CFAP91: variants seen among roughly 807,000 people sequenced by gnomAD.
The protein encoded by CFAP91 is cilia and flagella associated protein 91.
In CFAP91, 85 loss-of-function variants were observed where a neutral mutation model predicts 95.9. That is an observed-to-expected ratio of 0.89 (90% CI 0.74 to 1.06). The LOEUF (loss-of-function observed/expected upper bound fraction) is 1.06, where lower values mean the gene tolerates loss of function less well. Ranked by LOEUF, CFAP91 falls within the 50% of genes least tolerant of loss-of-function variation. CFAP91 has a pLI of 0.00. For synonymous variants in CFAP91, 335 were observed against 327.5 expected (o/e 1.02, Z -0.25); for missense variants, 962 against 943.4 (o/e 1.02, Z -0.26).
intron 17 of CFAP91, among the ~76,000 whole-genome samples, chr3:119,760,373 C>G (rs2054517169): frequency 6.6e-6 from 1 of 151,656 alleles, no homozygotes; most frequent in Admixed American, 6.6e-5. Flanking sequence ...CATTGGAGCC[C>G]CTAAATATAT....
Position 119,709,887 on chromosome 3 carries a change from C to T in CFAP91, c.492C>T (p.Ala164=), listed in dbSNP as rs114121988. 31,442 of 1,606,912 alleles carry T rather than the reference C, an allele frequency of 0.02. 415 individuals are homozygous for T. The highest frequency in any genetic ancestry group is 0.043 in the Middle Eastern group (259 of 6,054). ...AGATGCCATTCAATGTTGTTTATGC[C>T]GTATCCAAGTAAGTAACCATTATTT... ...FQQMPFNVVY[A]VSKAEPYTFP... The change falls in exon 5 of 18, where the codon GCC becomes GCT. Residue 164 remains alanine, a synonymous_variant. Transcript: ENST00000273390.
At chr3:119,743,103 G>T (rs1039139567) in intron 13 of CFAP91, among the ~76,000 whole-genome samples, 3 of 151,338 alleles carry the variant, frequency 2.0e-5, no homozygotes, top group Non-Finnish European at 2.9e-5. Flanking sequence ...TTGCCTCAGT[G>T]ATTAGATGGA....
chr3:119,721,781 G>A (rs955545604), intron 6 of CFAP91, among the ~76,000 whole-genome samples: 54 of 152,194 alleles, frequency 3.5e-4, no homozygotes, highest in Non-Finnish European at 1.0e-4. Flanking sequence ...ATTTGCACAC[G>A]TGCTCTCTTA....
intron 13 of CFAP91, 71 bp from the exon 14 acceptor site, chr3:119,743,904 C>A: frequency 2.2e-6 from 3 of 1,340,600 alleles, no homozygotes; most frequent in Non-Finnish European, 3.1e-6. Flanking sequence ...TTTGAGTAAT[C>A]CAGCACTTCT....
chr3:119,741,684 A>G (rs889322537), intron 13 of CFAP91, among the ~76,000 whole-genome samples: 1 of 152,192 alleles, frequency 6.6e-6, no homozygotes, highest in Non-Finnish European at 1.5e-5. Context: ...AAAAGAATCA[A>G]TTTGCACAGA....
At chr3:119,720,328 C>G (rs1016266257) in intron 6 of CFAP91, among the ~76,000 whole-genome samples, 4 of 150,042 alleles carry the variant, frequency 2.7e-5, no homozygotes, top group Middle Eastern at 3.5e-3. Context: ...ACCCGGGAGG[C>G]TCTGCTTGCA....
At position 119,765,134 on chromosome 3, in the gene CFAP91, C is replaced by G. The variant is rs2054605851; in HGVS notation, c.*84C>G. ...TGCACTTCTCCCAAGGTGTGCACTG[C>G]TCATAAACTTGCCAGTGTGTGATTC... On this transcript the variant is annotated 3_prime_UTR_variant, in exon 18 of 18. Coordinates refer to ENST00000273390, the MANE Select transcript of CFAP91 (RefSeq NM_033364.4). The G allele has an allele frequency of 6.6e-6, 1 of 152,132 alleles. No homozygotes were observed. Among genetic ancestry groups the G allele is most frequent in the Non-Finnish European group, 1.5e-5 (1 of 68,016 alleles). 9.4% of individuals were successfully genotyped at this position (152,132 alleles called of 1,614,324 possible).
In CFAP91 at chr3:119,721,018, A is replaced by G. The variant is rs774058222; in HGVS notation, c.683-5153A>G. On this transcript the variant is annotated intron_variant, in intron 6 of 17. Coordinates refer to ENST00000273390, the MANE Select transcript of CFAP91 (RefSeq NM_033364.4). ...TGGTCAAATCCACAGATGTAGAACC[A>G]TGGATATGAAGGGCCAACTATACTA... Among the ~76,000 whole-genome samples, 148 of 152,356 alleles carry G rather than the reference A, an allele frequency of 9.7e-4. 1 individual carries two copies. The Middle Eastern group carries it at 0.017, about 18-fold the overall frequency.
At chr3:119,718,382 A>G (rs2053618822) in intron 6 of CFAP91, among the ~76,000 whole-genome samples, 1 of 152,230 alleles carries the variant, frequency 6.6e-6, no homozygotes, top group Non-Finnish European at 1.5e-5. Context: ...ATGACAGATT[A>G]AATGGACACA....
chr3:119,755,032 T>G (rs2054399808), intron 17 of CFAP91, among the ~76,000 whole-genome samples: 1 of 152,218 alleles, frequency 6.6e-6, no homozygotes, highest in Admixed American at 6.5e-5. Context: ...GAAATATGTC[T>G]CCTATGCCTC....
Position 119,744,119 on chromosome 3 carries a change from G to A in CFAP91, c.1825G>A (p.Val609Ile). ...CATGCTGGCTGAGCGCCAGCGGCGG[G>A]TACGAGAGGCTGAAGAGAGTGGTCG... Reference protein sequence around the residue: ...FVMLAERQRRVREAEESGRRQ... With the variant: ...FVMLAERQRRIREAEESGRRQ... The change falls in exon 14 of 18, where the codon GTA (valine) becomes ATA (isoleucine). Residue 609 changes from valine (V) to isoleucine (I), a missense_variant. By Grantham distance (29) the Val-to-Ile change is conservative. Transcript: ENST00000273390. 2 of 1,614,122 alleles carry A rather than the reference G, an allele frequency of 1.2e-6. No individual in the cohort carries two copies. Among genetic ancestry groups the A allele is most frequent in the Non-Finnish European group, 1.7e-6 (2 of 1,180,012 alleles).
chr3:119,738,889 T>G (rs2054063458), intron 11 of CFAP91, among the ~76,000 whole-genome samples: 1 of 152,218 alleles, frequency 6.6e-6, no homozygotes, highest in Non-Finnish European at 1.5e-5. Flanking sequence ...TTGTGTCTAC[T>G]GATGATCAAA....
At position 119,709,106 on chromosome 3, in the gene CFAP91, A is replaced by G. The variant is rs568635040; in HGVS notation, c.443+432A>G. Among the ~76,000 whole-genome samples the G allele has an allele frequency of 2.0e-5, 3 of 152,356 alleles. No individual in the cohort carries two copies. In the South Asian group the frequency reaches 6.2e-4, roughly 32 times the overall value. On this transcript the variant is annotated intron_variant, in intron 4 of 17. Transcript: ENST00000273390. ...AAGGGATAACATTTGTTCTCTTTGT[A>G]TGAATCTTGCCTAAACCAACAAGGC...
intron 12 of CFAP91, 134 bp downstream of exon 12, chr3:119,739,460 T>C (rs2054075182): frequency 2.7e-6 from 2 of 745,112 alleles, no homozygotes; most frequent in East Asian, 2.6e-5. Context: ...TTGAGTTGCC[T>C]ACCCATTTCC....
chr3:119,713,418 C>CTTTTTT (rs34012023), intron 5 of CFAP91, among the ~76,000 whole-genome samples: 1 of 143,688 alleles, frequency 7.0e-6, no homozygotes, highest in Admixed American at 7.0e-5. Flanking sequence ...GTACCTCGCC[C>CTTTTTT]TTTTTTTTTT....
intron 16 of CFAP91, chr3:119,750,431 G>A (rs979364206): frequency 2.5e-5 from 4 of 161,452 alleles, no homozygotes; most frequent in Non-Finnish European, 4.1e-5. Context: ...CTAGGACTAT[G>A]TTCTAAAGCC....
chr3:119,745,302 A>C (rs1036629885), intron 14 of CFAP91, among the ~76,000 whole-genome samples: 5 of 152,220 alleles, frequency 3.3e-5, no homozygotes, highest in African/African-American at 1.2e-4. Flanking sequence ...TATAAACCAG[A>C]AATGTAATAT....
At chr3:119,746,373 T>A (rs2054219147) in intron 14 of CFAP91, among the ~76,000 whole-genome samples, 1 of 152,224 alleles carries the variant, frequency 6.6e-6, no homozygotes, top group Admixed American at 6.5e-5. Context: ...CTGTATCCTA[T>A]TTCATGATTT....
intron 14 of CFAP91, among the ~76,000 whole-genome samples, chr3:119,744,731 C>G (rs2054190161): frequency 6.6e-6 from 1 of 152,162 alleles, no homozygotes; most frequent in Non-Finnish European, 1.5e-5. Flanking sequence ...TTTGGGACAT[C>G]TAAGCAGAGG....
Sources: gnomAD v4.1 joint callset for allele counts (sites outside exome capture counted in the v4.1 genomes callset) on GRCh38, gnomAD v4.1.1 for gene constraint, MANE v1.5 for transcripts, NCBI Gene and HGNC (gene_info 2026-07-23, HGNC 2026-07-21) for gene names.